PTPRD: variants seen among roughly 807,000 people sequenced by gnomAD.
PTPRD encodes the protein receptor-type tyrosine-protein phosphatase delta.
A neutral mutation model predicts 214.5 loss-of-function variants in PTPRD; 34 were observed. The ratio of observed to expected loss-of-function variants is 0.16; its 90% CI spans 0.12 to 0.21. PTPRD has a LOEUF of 0.21. Among genes scored for constraint, PTPRD ranks in the 10% least tolerant of loss-of-function variants. The pLI is 1.00. For synonymous variants in PTPRD, 1,128 were observed against 845.7 expected (o/e 1.33, Z -5.79); for missense variants, 2,545 against 2,398.7 (o/e 1.06, Z -1.27).
intron 10 of PTPRD, among the ~76,000 whole-genome samples, chr9:9,072,020 C>T (rs1002002288): frequency 6.6e-6 from 1 of 152,040 alleles, no homozygotes; most frequent in Non-Finnish European, 1.5e-5. Context: ...AGAGCTCCTG[C>T]CAGACCGAAG....
chr9:8,480,604 T>C (rs964097570), intron 30 of PTPRD, among the ~76,000 whole-genome samples: 1 of 152,236 alleles, frequency 6.6e-6, no homozygotes. Context: ...GATGGTTTTA[T>C]AGGTAAATAC....
chr9:9,624,746 G>C (rs541819808), intron 7 of PTPRD, among the ~76,000 whole-genome samples: 6 of 151,992 alleles, frequency 3.9e-5, no homozygotes, highest in African/African-American at 1.2e-4. Context: ...GCAGATCTGG[G>C]GAGTTTCCAG....
intron 5 of PTPRD, among the ~76,000 whole-genome samples, chr9:9,769,296 A>G (rs1183890057): frequency 6.9e-6 from 1 of 145,300 alleles, no homozygotes; most frequent in African/African-American, 2.6e-5. Context: ...TATTTTGTAA[A>G]CTATGTTTTA....
intron 3 of PTPRD, among the ~76,000 whole-genome samples, chr9:10,224,467 G>T (rs766196613): frequency 6.6e-6 from 1 of 151,846 alleles, no homozygotes; most frequent in African/African-American, 2.4e-5. Flanking sequence ...TAGAAAAAAT[G>T]TTAATTTTTA....
chr9:9,496,086 T>C (rs13299496), intron 8 of PTPRD, among the ~76,000 whole-genome samples: 205 of 152,262 alleles, frequency 1.3e-3, no homozygotes, highest in Non-Finnish European at 2.5e-3. Context: ...CAGGGTGCCC[T>C]TGCTGTGAGT....
chr9:9,914,700 T>G (rs535850962), intron 5 of PTPRD, among the ~76,000 whole-genome samples: 1 of 150,802 alleles, frequency 6.6e-6, no homozygotes, highest in South Asian at 2.1e-4. Flanking sequence ...ATTCTGAGCT[T>G]GAAAAACATC....
chr9:10,171,364 A>T (rs1461179862), intron 3 of PTPRD, among the ~76,000 whole-genome samples: 2 of 151,930 alleles, frequency 1.3e-5, no homozygotes, highest in Non-Finnish European at 2.9e-5. Flanking sequence ...TGATGGTTTT[A>T]TAAGGAGAAA....
At chr9:10,604,869 T>C (rs1374044130) in intron 2 of PTPRD, among the ~76,000 whole-genome samples, 1 of 151,926 alleles carries the variant, frequency 6.6e-6, no homozygotes, top group Non-Finnish European at 1.5e-5. Flanking sequence ...CTTTAAAATT[T>C]ACAGGTATAA....
chr9:9,173,463 G>A (rs1277750237), intron 10 of PTPRD, among the ~76,000 whole-genome samples: 1 of 152,030 alleles, frequency 6.6e-6, no homozygotes, highest in East Asian at 1.9e-4. Context: ...TTACATCATT[G>A]TGCAAACATC....
At chr9:9,460,637 C>T (rs978379141) in intron 8 of PTPRD, among the ~76,000 whole-genome samples, 2 of 151,862 alleles carry the variant, frequency 1.3e-5, no homozygotes, top group African/African-American at 4.8e-5. Context: ...CCATCTTATA[C>T]CAAATAGAAT....
chr9:8,724,182 A>G (rs1005726603), intron 12 of PTPRD, among the ~76,000 whole-genome samples: 1 of 152,194 alleles, frequency 6.6e-6, no homozygotes, highest in African/African-American at 2.4e-5. Context: ...CTGAGTAAAG[A>G]TAAATTTGGG....
chr9:8,482,718 T>A (rs1018371869), intron 30 of PTPRD, among the ~76,000 whole-genome samples: 1 of 152,244 alleles, frequency 6.6e-6, no homozygotes, highest in Non-Finnish European at 1.5e-5. Flanking sequence ...TTTTCACTTC[T>A]GGGTATACCC....
intron 10 of PTPRD, among the ~76,000 whole-genome samples, chr9:9,048,559 G>C (rs2099678178): frequency 6.6e-6 from 1 of 152,146 alleles, no homozygotes; most frequent in African/African-American, 2.4e-5. Flanking sequence ...GACACAGAAA[G>C]ACTAACATCG....
At chr9:9,167,903 C>T (rs1445293629) in intron 10 of PTPRD, among the ~76,000 whole-genome samples, 4 of 152,160 alleles carry the variant, frequency 2.6e-5, no homozygotes, top group African/African-American at 9.7e-5. Context: ...ACTGACAATG[C>T]CCACAGTCTG....
At chr9:8,510,933 T>A (rs1268991774) in intron 21 of PTPRD, among the ~76,000 whole-genome samples, 2 of 152,166 alleles carry the variant, frequency 1.3e-5, no homozygotes, top group East Asian at 3.9e-4. Flanking sequence ...CTACTTTCAT[T>A]ATCTGTCTAT....
chr9:10,517,925 G>A (rs1465047929), intron 2 of PTPRD, among the ~76,000 whole-genome samples: 1 of 152,044 alleles, frequency 6.6e-6, no homozygotes, highest in Non-Finnish European at 1.5e-5. Context: ...AGATCCACTG[G>A]TTCTAAGGTA....
intron 3 of PTPRD, among the ~76,000 whole-genome samples, chr9:10,207,122 C>G (rs1321745424): frequency 6.6e-6 from 1 of 152,044 alleles, no homozygotes; most frequent in Non-Finnish European, 1.5e-5. Flanking sequence ...AGAATATACC[C>G]AGCATCCCAA....
chr9:8,636,454 C>T (rs936391156), intron 13 of PTPRD, among the ~76,000 whole-genome samples: 1 of 152,268 alleles, frequency 6.6e-6, no homozygotes, highest in East Asian at 1.9e-4. Context: ...GGGGATGAAA[C>T]TGACAGACTA....
chr9:9,169,765 A>G (rs574111054), intron 10 of PTPRD, among the ~76,000 whole-genome samples: 1 of 152,294 alleles, frequency 6.6e-6, no homozygotes, highest in African/African-American at 2.4e-5. Flanking sequence ...CTAAAAAGGC[A>G]TCTGTAGTCT....
Sources: allele counts gnomAD v4.1 joint callset (sites outside exome capture counted in the v4.1 genomes callset), GRCh38; gene constraint gnomAD v4.1.1; transcripts MANE v1.5; gene names NCBI Gene and HGNC (gene_info 2026-07-23, HGNC 2026-07-21).